The following IL1RAPL1 variants were observed in gnomAD, a reference collection of about 807,000 sequenced individuals.
The protein encoded by IL1RAPL1 is interleukin-1 receptor accessory protein-like 1.
A neutral mutation model predicts 48.4 loss-of-function variants in IL1RAPL1; 3 were observed. The ratio of observed to expected loss-of-function variants is 0.06; its 90% CI spans 0.03 to 0.16. The LOEUF (loss-of-function observed/expected upper bound fraction) is 0.16, where lower values mean the gene tolerates loss of function less well. Ranked by LOEUF, IL1RAPL1 falls within the 10% of genes least tolerant of loss-of-function variation. IL1RAPL1 has a pLI of 1.00. For missense variants in IL1RAPL1, 349 were observed against 530.6 expected, an observed-to-expected ratio of 0.66 and a Z score of 3.36; for synonymous variants, 185 against 187.7, an observed-to-expected ratio of 0.99 and a Z score of 0.12.
chrX:29,395,045 A>G (rs1011969422), intron 3 of IL1RAPL1, among the ~76,000 whole-genome samples: 15 of 112,030 alleles, frequency 1.3e-4, no homozygotes, highest in Non-Finnish European at 2.3e-4. Context: ...AGGACTTAAG[A>G]GATGTTGTGC....
chrX:29,264,979 C>A (rs1931926898), intron 2 of IL1RAPL1, among the ~76,000 whole-genome samples: 2 of 111,615 alleles, frequency 1.8e-5, no homozygotes, highest in Non-Finnish European at 1.9e-5. Flanking sequence ...GTGGCGCTAT[C>A]TGGGCTCACT....
chrX:28,706,631 C>T lies in IL1RAPL1; in HGVS notation c.-24-82689C>T, dbSNP rs184385453. ...GTTTTGCCATGTTGGCCAGGCTGGTCTCGGACTCCTGACCTCAGGTGATCC... is the reference window on the plus strand; with the variant it reads ...GTTTTGCCATGTTGGCCAGGCTGGTTTCGGACTCCTGACCTCAGGTGATCC... On this transcript the variant is annotated intron_variant, in intron 1 of 10. Transcript: ENST00000378993. Among the ~76,000 whole-genome samples the T allele has an allele frequency of 9.9e-5, 11 of 111,364 alleles. No individual in the cohort carries two copies. In the East Asian group the frequency reaches 2.3e-3, roughly 23 times the overall value.
intron 5 of IL1RAPL1, among the ~76,000 whole-genome samples, chrX:29,470,648 T>A (rs1934910300): frequency 9.0e-6 from 1 of 111,533 alleles, no homozygotes; most frequent in South Asian, 3.8e-4. Context: ...TTTAATTTAT[T>A]TTAGAGATAG....
intron 6 of IL1RAPL1, among the ~76,000 whole-genome samples, chrX:29,687,948 CTT>C (rs1015402862): frequency 1.4e-4 from 16 of 111,634 alleles, no homozygotes; most frequent in Non-Finnish European, 2.1e-4. Context: ...GAAAGGAAGA[CTT>C]TATAACTCAG....
At chrX:29,372,382 G>C (rs1222105511) in intron 3 of IL1RAPL1, among the ~76,000 whole-genome samples, 1 of 111,945 alleles carries the variant, frequency 8.9e-6, no homozygotes, top group Non-Finnish European at 1.9e-5. Context: ...TGTTCACTCT[G>C]TTGATAGTTT....
chrX:29,148,169 A>G (rs761665805), intron 2 of IL1RAPL1, among the ~76,000 whole-genome samples: 1 of 112,212 alleles, frequency 8.9e-6, no homozygotes, highest in East Asian at 2.8e-4. Context: ...ATACATATAT[A>G]GTCTATACAT....
At chrX:29,899,332 A>G (rs763280020) in intron 6 of IL1RAPL1, among the ~76,000 whole-genome samples, 40 of 111,134 alleles carry the variant, frequency 3.6e-4, no homozygotes, top group African/African-American at 1.3e-3. Context: ...AAAAAAATCT[A>G]CTGAGCCTTT....
chrX:29,519,794 C>T (rs979861968), intron 5 of IL1RAPL1, among the ~76,000 whole-genome samples: 5 of 111,453 alleles, frequency 4.5e-5, no homozygotes, highest in African/African-American at 1.6e-4. Context: ...TGGTGGCCTC[C>T]CTGTCCCCCA....
chrX:29,805,195 G>T (rs1253704718), intron 6 of IL1RAPL1, among the ~76,000 whole-genome samples: 1 of 111,198 alleles, frequency 9.0e-6, no homozygotes, highest in African/African-American at 3.3e-5. Context: ...GAAGGATTTG[G>T]GAGCATGTTA....
chrX:29,581,175 G>A (rs1569343351), intron 5 of IL1RAPL1, among the ~76,000 whole-genome samples: 1 of 112,334 alleles, frequency 8.9e-6, no homozygotes, highest in African/African-American at 3.2e-5. Context: ...ATGCTGGCAC[G>A]ATACACACTT....
At chrX:29,358,592 C>T (rs1229673965) in intron 3 of IL1RAPL1, among the ~76,000 whole-genome samples, 3 of 110,004 alleles carry the variant, frequency 2.7e-5, no homozygotes, top group Non-Finnish European at 5.7e-5. Flanking sequence ...AGATATGGGG[C>T]ACAATATGAT....
intron 5 of IL1RAPL1, among the ~76,000 whole-genome samples, chrX:29,484,521 C>A (rs752103752): frequency 1.8e-5 from 2 of 111,807 alleles, no homozygotes; most frequent in South Asian, 7.5e-4. Context: ...TATATTAGAT[C>A]ATAATAAGTG....
chrX:29,321,364 A>C (rs1179680349), intron 3 of IL1RAPL1, among the ~76,000 whole-genome samples: 3 of 112,141 alleles, frequency 2.7e-5, no homozygotes, highest in Non-Finnish European at 5.6e-5. Flanking sequence ...ATAGGAGCTC[A>C]TTTCTAGCTA....
intron 2 of IL1RAPL1, among the ~76,000 whole-genome samples, chrX:29,184,594 G>T (rs370826423): frequency 9.0e-6 from 1 of 110,914 alleles, no homozygotes; most frequent in Non-Finnish European, 1.9e-5. Flanking sequence ...TCTGCCTCCC[G>T]GATTCAAGTG....
chrX:29,734,334 C>T (rs1927993250), intron 6 of IL1RAPL1, among the ~76,000 whole-genome samples: 1 of 112,415 alleles, frequency 8.9e-6, no homozygotes, highest in Non-Finnish European at 1.9e-5. Context: ...ACCTTCAACA[C>T]AGATATGTGT....
intron 6 of IL1RAPL1, among the ~76,000 whole-genome samples, chrX:29,730,560 T>C (rs1215107725): frequency 8.9e-6 from 1 of 112,400 alleles, no homozygotes; most frequent in African/African-American, 3.2e-5. Context: ...GAAGACATGA[T>C]GTGTCACTTT....
chrX:28,717,194 A>G (rs931569062), intron 1 of IL1RAPL1, among the ~76,000 whole-genome samples: 5 of 112,405 alleles, frequency 4.4e-5, no homozygotes, highest in Admixed American at 9.5e-5. Context: ...AGACAGATGC[A>G]TGCATATGTT....
intron 1 of IL1RAPL1, among the ~76,000 whole-genome samples, chrX:28,746,942 A>G (rs1318989137): frequency 1.8e-5 from 2 of 110,927 alleles, no homozygotes; most frequent in African/African-American, 6.5e-5. Context: ...TTTTCTTCTA[A>G]TGCGTTCTCC....
At chrX:29,651,510 T>G (rs1454732140) in intron 5 of IL1RAPL1, among the ~76,000 whole-genome samples, 2 of 111,291 alleles carry the variant, frequency 1.8e-5, no homozygotes, top group Non-Finnish European at 3.8e-5. Context: ...AAGTGAAAGA[T>G]CCCAGGCACA....
Sources: allele counts gnomAD v4.1 joint callset (sites outside exome capture counted in the v4.1 genomes callset), GRCh38; gene constraint gnomAD v4.1.1; transcripts MANE v1.5; gene names NCBI Gene and HGNC (gene_info 2026-07-23, HGNC 2026-07-21).